The following TACR1 variants were observed in gnomAD, a reference collection of about 807,000 sequenced individuals.
TACR1 encodes the protein substance-P receptor.
TACR1 carries 25 observed loss-of-function variants against 35.8 expected under a neutral mutation model. The ratio of observed to expected loss-of-function variants is 0.70; its 90% CI spans 0.51 to 0.98. The LOEUF (loss-of-function observed/expected upper bound fraction) is 0.98, where lower values mean the gene tolerates loss of function less well. TACR1 is among the 50% of genes least tolerant of loss of function. TACR1 has a pLI of 0.00. For missense variants in TACR1, 478 were observed against 522.9 expected (o/e 0.91, Z 0.84); for synonymous variants, 195 against 206.7 (o/e 0.94, Z 0.48).
chr2:75,072,978 A>G (rs200574287), intron 2 of TACR1, among the ~76,000 whole-genome samples: 1 of 96,968 alleles, frequency 1.0e-5, no homozygotes, highest in Non-Finnish European at 2.0e-5. Flanking sequence ...AACTAGACTA[A>G]ACAACTATTG....
chr2:75,140,543 G>T (rs1674381107), intron 1 of TACR1, among the ~76,000 whole-genome samples: 1 of 152,022 alleles, frequency 6.6e-6, no homozygotes, highest in Admixed American at 6.6e-5. Context: ...GCTGTTCCTG[G>T]GATTCTGCCA....
intron 1 of TACR1, among the ~76,000 whole-genome samples, chr2:75,162,151 A>G (rs1675025908): frequency 6.6e-6 from 1 of 152,104 alleles, no homozygotes; most frequent in Non-Finnish European, 1.5e-5. Flanking sequence ...CATTTGCAGA[A>G]TGGAAGCCAA....
intron 1 of TACR1, among the ~76,000 whole-genome samples, chr2:75,122,554 C>G (rs1673991260): frequency 6.6e-6 from 1 of 152,100 alleles, no homozygotes; most frequent in Non-Finnish European, 1.5e-5. Flanking sequence ...AAGGAAACTC[C>G]TAGAAACTCT....
intron 1 of TACR1, among the ~76,000 whole-genome samples, chr2:75,154,202 G>C (rs1305936527): frequency 6.6e-6 from 1 of 151,942 alleles, no homozygotes. Context: ...TGAACACTCA[G>C]GGTCATGCTG....
Position 75,048,265 on chromosome 2 carries a change from G to A in TACR1, c.*1167C>T, listed in dbSNP as rs1214583935. 1 of 152,196 alleles carries A rather than the reference G, an allele frequency of 6.6e-6. No homozygotes were observed. Among genetic ancestry groups the A allele is most frequent in the East Asian group, 1.9e-4 (1 of 5,196 alleles). 9.4% of individuals were successfully genotyped at this position (152,196 alleles called of 1,614,324 possible). ...ATGCTAGTGTAAAACTAAGAATGAA[G>A]GTTAGGGCCCCCACCCTAAAATACC... On this transcript the variant is annotated 3_prime_UTR_variant, in exon 5 of 5. Coordinates refer to ENST00000305249, the MANE Select transcript of TACR1 (RefSeq NM_001058.4).
At chr2:75,050,820 T>G (rs1424556511) in intron 4 of TACR1, among the ~76,000 whole-genome samples, 1 of 152,182 alleles carries the variant, frequency 6.6e-6, no homozygotes, top group African/African-American at 2.4e-5. Context: ...ATGTGCTCTG[T>G]GGGGGGATGA....
At chr2:75,080,272 C>G (rs1673059250) in intron 2 of TACR1, among the ~76,000 whole-genome samples, 1 of 152,094 alleles carries the variant, frequency 6.6e-6, no homozygotes, top group Non-Finnish European at 1.5e-5. Context: ...TCACTCCGTC[C>G]TGGAAAAAGG....
At chr2:75,136,687 G>A (rs758293408) in intron 1 of TACR1, among the ~76,000 whole-genome samples, 11 of 152,102 alleles carry the variant, frequency 7.2e-5, no homozygotes, top group Admixed American at 4.6e-4. Flanking sequence ...CATAACAGGC[G>A]CTTTAACTTT....
intron 2 of TACR1, among the ~76,000 whole-genome samples, chr2:75,087,037 G>A (rs1673202887): frequency 6.6e-6 from 1 of 152,150 alleles, no homozygotes; most frequent in Non-Finnish European, 1.5e-5. Context: ...TGTGCTGTAA[G>A]TTTAAAATAC....
At chr2:75,184,500 C>T (rs987452554) in intron 1 of TACR1, among the ~76,000 whole-genome samples, 2 of 151,632 alleles carry the variant, frequency 1.3e-5, no homozygotes, top group Non-Finnish European at 2.9e-5. Context: ...GATTTATAGA[C>T]TATGCCATTA....
rs895422951 is a variant in TACR1 at position 75,198,428 on chromosome 2, A to C, written c.389+118T>G. The C allele has an allele frequency of 9.0e-6, 11 of 1,222,028 alleles. No homozygotes were observed. The African/African-American group carries it at 1.4e-4, about 15-fold the overall frequency. 75.7% of individuals were successfully genotyped at this position (1,222,028 alleles called of 1,614,324 possible). On this transcript the variant is annotated intron_variant, in intron 1 of 4. Transcript: ENST00000305249. ...CAAATGACTCAGTTGATCAGTAAAAAAACCCTCAGAGTGGCCAATCTTCCA... is the reference window on the plus strand; with the variant it reads ...CAAATGACTCAGTTGATCAGTAAAACAACCCTCAGAGTGGCCAATCTTCCA...
At chr2:75,164,316 G>A (rs1408526291) in intron 1 of TACR1, among the ~76,000 whole-genome samples, 4 of 126,302 alleles carry the variant, frequency 3.2e-5, no homozygotes, top group Non-Finnish European at 6.5e-5. Flanking sequence ...GACAGAGCAA[G>A]ACTCCATCTT....
intron 1 of TACR1, chr2:75,154,352 C>T (rs888518490): frequency 1.3e-5 from 2 of 152,032 alleles, no homozygotes; most frequent in Non-Finnish European, 2.9e-5. Context: ...GCCACTCACT[C>T]CGGGAGATTT....
At chr2:75,060,318 A>G (rs1270406611) in intron 2 of TACR1, among the ~76,000 whole-genome samples, 2 of 152,170 alleles carry the variant, frequency 1.3e-5, no homozygotes, top group African/African-American at 4.8e-5. Context: ...TACATGGTCC[A>G]GTGTTTTGTG....
At chr2:75,169,182 C>T (rs1367066831) in intron 1 of TACR1, among the ~76,000 whole-genome samples, 3 of 151,986 alleles carry the variant, frequency 2.0e-5, no homozygotes, top group African/African-American at 7.2e-5. Context: ...TTTTTGGTTT[C>T]AATTTAATTA....
chr2:75,198,992 T>G lies in TACR1; in HGVS notation c.-58A>C. On this transcript the variant is annotated 5_prime_UTR_variant, in exon 1 of 5. Coordinates refer to ENST00000305249, the MANE Select transcript of TACR1 (RefSeq NM_001058.4). ...TACACAACCCCCCTCTGCAGCAGAG[T>G]CCTGTGGCTGGCGCCTGGGGCTCAG... is the stretch of plus-strand genomic sequence containing the variant. 6.4e-7 allele frequency: 1 copy of G among 1,570,824 alleles called. No homozygotes were observed. Among genetic ancestry groups the G allele is most frequent in the Admixed American group, 1.7e-5 (1 of 57,228 alleles).
At chr2:75,184,330 C>T (rs1253362535) in intron 1 of TACR1, among the ~76,000 whole-genome samples, 1 of 151,716 alleles carries the variant, frequency 6.6e-6, no homozygotes, top group East Asian at 1.9e-4. Flanking sequence ...TGTCTTAAGC[C>T]AATGGGCAAC....
intron 1 of TACR1, among the ~76,000 whole-genome samples, chr2:75,132,788 A>G (rs1674204493): frequency 6.6e-6 from 1 of 152,228 alleles, no homozygotes; most frequent in South Asian, 2.1e-4. Flanking sequence ...GGACCACTGC[A>G]AACTGGATTT....
chr2:75,086,536 A>G (rs576703166), intron 2 of TACR1, among the ~76,000 whole-genome samples: 3 of 152,270 alleles, frequency 2.0e-5, no homozygotes, highest in African/African-American at 7.2e-5. Flanking sequence ...GGGGAGTCTC[A>G]TACACCCAGT....
Sources: gnomAD v4.1 joint callset for allele counts (sites outside exome capture counted in the v4.1 genomes callset) on GRCh38, gnomAD v4.1.1 for gene constraint, MANE v1.5 for transcripts, NCBI Gene and HGNC (gene_info 2026-07-23, HGNC 2026-07-21) for gene names.